The following C13orf42 variants were observed in gnomAD, a reference collection of about 807,000 sequenced individuals.
C13orf42 encodes the protein chromosome 13 open reading frame 42.
chr13:51,166,260 C>T lies in C13orf42; in HGVS notation n.136+5993G>A, dbSNP rs533997789. Among the ~76,000 whole-genome samples, 3 of 151,450 alleles carry T rather than the reference C, an allele frequency of 2.0e-5. No individual in the cohort carries two copies. The East Asian group carries it at 5.9e-4, about 30-fold the overall frequency. ...ATATACACCATGGAATACTATGCAG[C>T]CATAAAAAATGATGAGTTCATGTCC... is the stretch of plus-strand genomic sequence containing the variant. On this transcript the variant is annotated intron_variant and non_coding_transcript_variant, in intron 1 of 4. Coordinates refer to the C13orf42 transcript ENST00000433280.
intron 1 of C13orf42, among the ~76,000 whole-genome samples, chr13:51,095,780 G>A (rs549592634): frequency 6.6e-4 from 100 of 151,940 alleles, no homozygotes; most frequent in Middle Eastern, 3.4e-3. Context: ...TTCCGTTAGG[G>A]CTTTTAACAT....
intron 1 of C13orf42, among the ~76,000 whole-genome samples, chr13:51,095,169 C>G (rs1953218814): frequency 6.6e-6 from 1 of 152,170 alleles, no homozygotes; most frequent in Admixed American, 6.6e-5. Context: ...ACTAATACAA[C>G]TCCATTGTTT....
chr13:51,083,586 T>C lies in C13orf42; in HGVS notation c.*565A>G, dbSNP rs1953088283. 6.6e-6 allele frequency: 1 copy of C among 152,020 alleles called. No individual in the cohort carries two copies. Among genetic ancestry groups the C allele is most frequent in the African/African-American group, 2.4e-5 (1 of 41,330 alleles). 9.4% of individuals were successfully genotyped at this position (152,020 alleles called of 1,614,324 possible). The stretch of plus-strand genomic sequence containing the variant: ...CCCCATTGCCAGGGCATTAGCCTCA[T>C]CTTAGCTTAATGCAGCAGGAGTTTC... On this transcript the variant is annotated 3_prime_UTR_variant, in exon 4 of 4. Transcript: ENST00000563710.
At chr13:51,139,343 A>C (rs893461548) in intron 1 of C13orf42, among the ~76,000 whole-genome samples, 4 of 152,148 alleles carry the variant, frequency 2.6e-5, no homozygotes, top group Non-Finnish European at 5.9e-5. Context: ...AGTCAAACTC[A>C]TGGAAGCAAA....
chr13:51,156,105 G>A (rs1321102652), intron 1 of C13orf42, among the ~76,000 whole-genome samples: 5 of 152,140 alleles, frequency 3.3e-5, no homozygotes, highest in Non-Finnish European at 5.9e-5. Context: ...CCCCACCCCC[G>A]GCCTGTAACC....
chr13:51,153,678 C>T (rs1480592188), intron 1 of C13orf42, among the ~76,000 whole-genome samples: 6 of 109,576 alleles, frequency 5.5e-5, no homozygotes, highest in African/African-American at 1.8e-4. Context: ...CTCGCTTTGT[C>T]GCCCAGGCTG....
chr13:51,127,323 A>G (rs996173262), intron 1 of C13orf42, among the ~76,000 whole-genome samples: 5 of 152,232 alleles, frequency 3.3e-5, no homozygotes, highest in African/African-American at 9.6e-5. Context: ...TGATGATAGC[A>G]ACGAGGAGGT....
chr13:51,153,630 C>CTTTTTTTTTTTTTTTTTTTTTTTTTTTT (rs1206289963), intron 1 of C13orf42, among the ~76,000 whole-genome samples: 3 of 81,246 alleles, frequency 3.7e-5, no homozygotes, highest in Non-Finnish European at 7.2e-5. Context: ...TGTTTTTTTT[C>CTTTTTTTTTTTTTTTTTTTTTTTTTTTT]TTTTTTTTTT....
rs989762149 is a variant in C13orf42 at position 51,127,367 on chromosome 13, G to C, written n.137-14145C>G. Reference sequence around the variant, plus strand: ...GTATGACCATTCCCATTTTTCAGAAGGGAAATGGATTCACAGAAAGATTGT... The same window carrying C: ...GTATGACCATTCCCATTTTTCAGAACGGAAATGGATTCACAGAAAGATTGT... On this transcript the variant is annotated intron_variant and non_coding_transcript_variant, in intron 1 of 4. Coordinates refer to the C13orf42 transcript ENST00000433280. 5.3e-5 allele frequency among the ~76,000 whole-genome samples: 8 copies of C among 152,158 alleles called. No homozygotes were observed. In the South Asian group the frequency reaches 1.0e-3, roughly 20 times the overall value.
chr13:51,082,442 C>G lies in C13orf42; in HGVS notation c.*1709G>C, dbSNP rs74083000. 1.6e-3 allele frequency: 248 copies of G among 152,264 alleles called. No homozygotes were observed. The highest frequency in any genetic ancestry group is 5.7e-3 in the African/African-American group (238 of 41,574). 9.4% of individuals were successfully genotyped at this position (152,264 alleles called of 1,614,324 possible). A position where few individuals can be genotyped will look rare whatever the true frequency, so the allele number is the denominator to read the frequency against. On this transcript the variant is annotated 3_prime_UTR_variant, in exon 4 of 4. Transcript: ENST00000563710. ...CGCAGTCATGTTTATTTTTTCTTAT[C>G]TTTAAAAACAAAATGTACACAGTAT...
At chr13:51,090,251 C>A (rs2137978224) in intron 1 of C13orf42, among the ~76,000 whole-genome samples, 1 of 152,322 alleles carries the variant, frequency 6.6e-6, no homozygotes, top group East Asian at 1.9e-4. Flanking sequence ...TCCATTGAAT[C>A]TTGGCTGGAA....
chr13:51,097,326 A>G (rs1566124828), intron 1 of C13orf42, among the ~76,000 whole-genome samples: 1 of 152,228 alleles, frequency 6.6e-6, no homozygotes, highest in Non-Finnish European at 1.5e-5. Flanking sequence ...TAATGAGGGA[A>G]TGGTGAGCAT....
At chr13:51,095,127 T>C (rs1207761054) in intron 1 of C13orf42, among the ~76,000 whole-genome samples, 2 of 152,214 alleles carry the variant, frequency 1.3e-5, no homozygotes, top group Admixed American at 6.5e-5. Flanking sequence ...TACCCAGTCT[T>C]AGGTATGTCT....
intron 1 of C13orf42, among the ~76,000 whole-genome samples, chr13:51,165,999 T>C (rs1182114860): frequency 6.6e-6 from 1 of 152,226 alleles, no homozygotes; most frequent in African/African-American, 2.4e-5. Context: ...TTAATCTTCA[T>C]AGTCATCCCA....
chr13:51,131,937 G>A (rs1953620174), intron 1 of C13orf42, among the ~76,000 whole-genome samples: 2 of 152,174 alleles, frequency 1.3e-5, no homozygotes, highest in Admixed American at 6.5e-5. Context: ...TCTGGCTGCT[G>A]CTTAGAAGAA....
intron 1 of C13orf42, among the ~76,000 whole-genome samples, chr13:51,094,301 T>C (rs978568553): frequency 6.6e-6 from 1 of 152,222 alleles, no homozygotes; most frequent in East Asian, 1.9e-4. Context: ...TCATTACTTC[T>C]AGGCCTTTTC....
At chr13:51,084,897 G>A (rs2137970899) in intron 3 of C13orf42, among the ~76,000 whole-genome samples, 1 of 152,306 alleles carries the variant, frequency 6.6e-6, no homozygotes, top group East Asian at 1.9e-4. Context: ...CTTGGAGCCT[G>A]CCCGGTGCAT....
Position 51,134,069 on chromosome 13 carries a change from G to A in C13orf42, n.137-20847C>T, listed in dbSNP as rs187370821. Among the ~76,000 whole-genome samples, 176 of 152,286 alleles carry A rather than the reference G, an allele frequency of 1.2e-3. 3 individuals carry two copies. Among genetic ancestry groups the A allele is most frequent in the African/African-American group, 4.2e-3 (174 of 41,566 alleles). ...CTGCTCCCAGAAACTCCCTTGGGAA[G>A]GTGAGCTTGTAGGTAATTTATGGTT... On this transcript the variant is annotated intron_variant and non_coding_transcript_variant, in intron 1 of 4. Transcript: ENST00000433280.
intron 1 of C13orf42, among the ~76,000 whole-genome samples, chr13:51,125,649 G>T (rs949509541): frequency 4.6e-5 from 7 of 152,180 alleles, no homozygotes; most frequent in Non-Finnish European, 1.0e-4. Context: ...GTGGATGCCA[G>T]CACCAAGCTC....
Sources: gnomAD v4.1 joint callset for allele counts (sites outside exome capture counted in the v4.1 genomes callset) on GRCh38, gnomAD v4.1.1 for gene constraint, MANE v1.5 for transcripts, NCBI Gene and HGNC (gene_info 2026-07-23, HGNC 2026-07-21) for gene names.